GSE1: variants seen among roughly 807,000 people sequenced by gnomAD.
GSE1 encodes genetic suppressor element 1.
A neutral mutation model predicts 112.6 loss-of-function variants in GSE1; 32 were observed. That is an observed-to-expected ratio of 0.28 (90% CI 0.21 to 0.38). GSE1 has a LOEUF of 0.38. Among genes scored for constraint, GSE1 ranks in the 10% least tolerant of loss-of-function variants. GSE1 has a pLI of 1.00. For synonymous variants in GSE1, 1,115 were observed against 735.6 expected (o/e 1.52, Z -8.35); for missense variants, 2,348 against 1,699.2 (o/e 1.38, Z -6.71).
chr16:85,629,709 G>C (rs901693069), intron 1 of GSE1, among the ~76,000 whole-genome samples: 7 of 152,342 alleles, frequency 4.6e-5, no homozygotes, highest in African/African-American at 1.7e-4. Flanking sequence ...AGGGGGATGG[G>C]GGATGCTGAT....
chr16:85,637,965 G>A (rs1030377836), intron 2 of GSE1, among the ~76,000 whole-genome samples: 2 of 152,180 alleles, frequency 1.3e-5, no homozygotes, highest in African/African-American at 4.8e-5. Flanking sequence ...TGCAGGGGGA[G>A]GTGGCAGGAG....
At chr16:85,578,364 G>A (rs1051481832) in intron 1 of GSE1, among the ~76,000 whole-genome samples, 9 of 152,234 alleles carry the variant, frequency 5.9e-5, no homozygotes, top group African/African-American at 1.7e-4. Flanking sequence ...CTCCCCAGAC[G>A]ACAGAGGCAC....
At chr16:85,527,121 C>G (rs2052388354) in intron 2 of GSE1, among the ~76,000 whole-genome samples, 1 of 152,248 alleles carries the variant, frequency 6.6e-6, no homozygotes, top group African/African-American at 2.4e-5. Flanking sequence ...CCTCCTCTGT[C>G]TTCCTGAGCA....
intron 1 of GSE1, among the ~76,000 whole-genome samples, chr16:85,318,673 T>C (rs559482096): frequency 1.3e-5 from 2 of 152,292 alleles, no homozygotes; most frequent in South Asian, 4.1e-4. Context: ...AGCGCCATCG[T>C]TCAGGTCAGC....
intron 1 of GSE1, among the ~76,000 whole-genome samples, chr16:85,337,307 C>CTTT (rs750709031): frequency 1.5e-5 from 2 of 133,516 alleles, no homozygotes; most frequent in African/African-American, 2.8e-5. Context: ...CTTTTCTTTT[C>CTTT]TTTTTTTTTT....
intron 1 of GSE1, among the ~76,000 whole-genome samples, chr16:85,303,999 G>A (rs1230560249): frequency 1.3e-5 from 2 of 152,234 alleles, no homozygotes; most frequent in African/African-American, 2.4e-5. Flanking sequence ...AGTGGTCTAG[G>A]GCAGGAGAAG....
chr16:85,626,355 G>A (rs1003390844), intron 1 of GSE1, among the ~76,000 whole-genome samples: 3 of 152,242 alleles, frequency 2.0e-5, no homozygotes, highest in Admixed American at 6.5e-5. Context: ...AGCCTCAGCC[G>A]CCAGGGTCTG....
rs191476067 is a variant in GSE1 at position 85,296,461 on chromosome 16, G to C, written c.2284-61002G>C. ...CTCTGCTAAAATACAAAAAAAATTA[G>C]CCGGATGTGGTGGTGCACACCTGTA... On this transcript the variant is annotated intron_variant, in intron 1 of 2. Coordinates refer to the GSE1 transcript ENST00000637419. Among the ~76,000 whole-genome samples, 363 of 152,190 alleles carry C rather than the reference G, an allele frequency of 2.4e-3. 1 individual carries two copies. Among genetic ancestry groups the C allele is most frequent in the Non-Finnish European group, 4.1e-3 (280 of 68,006 alleles).
At chr16:85,332,595 A>C (rs2046398573) in intron 1 of GSE1, among the ~76,000 whole-genome samples, 1 of 152,136 alleles carries the variant, frequency 6.6e-6, no homozygotes, top group African/African-American at 2.4e-5. Context: ...GGGACTGAGA[A>C]GCCAGGGCCG....
Position 85,186,794 on chromosome 16 carries a change from A to C in GSE1, c.2283+14987A>C, listed in dbSNP as rs531871488. On this transcript the variant is annotated intron_variant, in intron 1 of 2. Coordinates refer to the GSE1 transcript ENST00000637419. The stretch of plus-strand genomic sequence containing the variant: ...CAACAAAAGACAAAAAAATCTAAAC[A>C]GTCTGAGTCTTCAAATCAGTGAAAT... 3.9e-5 allele frequency among the ~76,000 whole-genome samples: 6 copies of C among 152,290 alleles called. No individual in the cohort carries two copies. The South Asian group carries it at 1.2e-3, about 32-fold the overall frequency.
At chr16:85,437,258 C>T (rs2049270721) in intron 2 of GSE1, among the ~76,000 whole-genome samples, 1 of 152,132 alleles carries the variant, frequency 6.6e-6, no homozygotes, top group Non-Finnish European at 1.5e-5. Context: ...CCCTGCACGC[C>T]CTCCAAACAA....
At chr16:85,520,170 G>C (rs1011648965) in intron 2 of GSE1, among the ~76,000 whole-genome samples, 1 of 152,288 alleles carries the variant, frequency 6.6e-6, no homozygotes, top group African/African-American at 2.4e-5. Flanking sequence ...GGCTCACCTC[G>C]TGGTTCCTGG....
At chr16:85,260,611 C>G (rs566701797) in intron 1 of GSE1, among the ~76,000 whole-genome samples, 1 of 152,208 alleles carries the variant, frequency 6.6e-6, no homozygotes, top group African/African-American at 2.4e-5. Context: ...GCATGAGCCA[C>G]CGCACCCAGC....
chr16:85,182,132 A>C (rs2074599565), intron 1 of GSE1, among the ~76,000 whole-genome samples: 1 of 152,118 alleles, frequency 6.6e-6, no homozygotes, highest in Admixed American at 6.5e-5. Flanking sequence ...GTGGACAGCG[A>C]GGGCTCCTGG....
intron 3 of GSE1, among the ~76,000 whole-genome samples, chr16:85,649,152 AAGGACACC>A (rs1266658375): frequency 6.6e-6 from 1 of 151,904 alleles, no homozygotes; most frequent in Non-Finnish European, 1.5e-5. Context: ...CTCTTCTCAT[AAGGACACC>A]AGTCAGCTGG....
intron 2 of GSE1, among the ~76,000 whole-genome samples, chr16:85,507,535 C>G (rs2051579533): frequency 6.6e-6 from 1 of 152,216 alleles, no homozygotes; most frequent in Non-Finnish European, 1.5e-5. Context: ...AATAGAAATC[C>G]ATTTCCTTGC....
chr16:85,462,866 C>A (rs1022363758), intron 2 of GSE1, among the ~76,000 whole-genome samples: 13 of 148,282 alleles, frequency 8.8e-5, no homozygotes, highest in African/African-American at 2.9e-4. Context: ...GGCCCCTCCC[C>A]GGGCTCCACG....
At chr16:85,173,337 T>G (rs72814234) in intron 1 of GSE1, among the ~76,000 whole-genome samples, 4,298 of 152,320 alleles carry the variant, frequency 0.028, 85 homozygotes, top group Non-Finnish European at 0.047. Flanking sequence ...ACCTGTGAGT[T>G]AGTTTCTTAT....
chr16:85,420,914 G>T (rs879790806), intron 2 of GSE1, among the ~76,000 whole-genome samples: 16 of 152,158 alleles, frequency 1.1e-4, no homozygotes, highest in Admixed American at 4.6e-4. Flanking sequence ...CTTCACCCGC[G>T]GTGTGAGACC....
Sources: gnomAD v4.1 joint callset for allele counts (sites outside exome capture counted in the v4.1 genomes callset) on GRCh38, gnomAD v4.1.1 for gene constraint, MANE v1.5 for transcripts, NCBI Gene and HGNC (gene_info 2026-07-23, HGNC 2026-07-21) for gene names.